Variants in RPS6KA5 observed in about 807,000 individuals in gnomAD.
RPS6KA5 encodes ribosomal protein S6 kinase alpha-5.
A neutral mutation model predicts 85.5 loss-of-function variants in RPS6KA5; 27 were observed. That is an observed-to-expected ratio of 0.32 (90% CI 0.23 to 0.44). RPS6KA5 has a LOEUF of 0.44. Ranked by LOEUF, RPS6KA5 falls within the 20% of genes least tolerant of loss-of-function variation. RPS6KA5 has a pLI of 1.00. For missense variants in RPS6KA5, 811 were observed against 980.9 expected (o/e 0.83, Z 2.31); for synonymous variants, 334 against 348.2 (o/e 0.96, Z 0.46).
chr14:90,850,322 A>G lies in RPS6KA5; in HGVS notation c.*21752T>C, dbSNP rs1195929038. The G allele has an allele frequency of 1.3e-5, 2 of 152,242 alleles. No individual in the cohort carries two copies. The highest frequency in any genetic ancestry group is 2.9e-5 in the Non-Finnish European group (2 of 68,042). 9.4% of individuals were successfully genotyped at this position (152,242 alleles called of 1,614,324 possible). A position where few individuals can be genotyped will look rare whatever the true frequency, so the allele number is the denominator to read the frequency against. ...AGAAGAACAGTCATGATTGTAGTCA[A>G]TTTTAAAAATAGACATCCTTTCCCT... On this transcript the variant is annotated 3_prime_UTR_variant, in exon 17 of 17. Transcript: ENST00000614987.
At chr14:90,888,716 G>A (rs865968610) in intron 14 of RPS6KA5, among the ~76,000 whole-genome samples, 3 of 152,056 alleles carry the variant, frequency 2.0e-5, no homozygotes, top group Admixed American at 6.6e-5. Flanking sequence ...ATAAACTTGC[G>A]GTGGGCATAG....
chr14:90,925,092 C>A (rs2036587355), intron 5 of RPS6KA5, among the ~76,000 whole-genome samples: 1 of 152,090 alleles, frequency 6.6e-6, no homozygotes, highest in Non-Finnish European at 1.5e-5. Context: ...TCGCCAAAGA[C>A]CGGGCTCACA....
chr14:90,963,349 G>C (rs1006535186), intron 3 of RPS6KA5, among the ~76,000 whole-genome samples: 1 of 152,158 alleles, frequency 6.6e-6, no homozygotes, highest in Non-Finnish European at 1.5e-5. Context: ...CACTAAAGTG[G>C]AGTTTGCCAC....
intron 1 of RPS6KA5, among the ~76,000 whole-genome samples, chr14:91,052,856 CT>C (rs754738544): frequency 4.4e-5 from 6 of 136,998 alleles, no homozygotes; most frequent in Non-Finnish European, 7.9e-5. Flanking sequence ...AAAAAAAAAG[CT>C]CTTTAGTTGG....
intron 7 of RPS6KA5, chr14:90,911,398 T>C (rs1384039363): frequency 6.6e-6 from 1 of 152,250 alleles, no homozygotes; most frequent in Admixed American, 6.5e-5. Context: ...TTCTCATGGG[T>C]TGTTTATTTA....
At chr14:91,054,793 A>T (rs992178053) in intron 1 of RPS6KA5, among the ~76,000 whole-genome samples, 6 of 150,370 alleles carry the variant, frequency 4.0e-5, no homozygotes, top group East Asian at 3.9e-4. Context: ...TCTATTATTT[A>T]AAAAAAAAAA....
chr14:90,998,119 T>G (rs565556023), intron 2 of RPS6KA5, among the ~76,000 whole-genome samples: 39 of 152,140 alleles, frequency 2.6e-4, no homozygotes, highest in Non-Finnish European at 5.1e-4. Flanking sequence ...GACTACACAT[T>G]TGTATGTTTA....
At chr14:90,873,476 A>C (rs1445935583) in intron 16 of RPS6KA5, among the ~76,000 whole-genome samples, 156 bp downstream of exon 16, 1 of 152,200 alleles carries the variant, frequency 6.6e-6, no homozygotes, top group African/African-American at 2.4e-5. Flanking sequence ...AGTGTTTATA[A>C]CCATGAAGCA....
intron 3 of RPS6KA5, among the ~76,000 whole-genome samples, chr14:90,955,905 T>A (rs1340225709): frequency 6.6e-6 from 1 of 152,222 alleles, no homozygotes; most frequent in African/African-American, 2.4e-5. Context: ...ACATCCACGT[T>A]AGGCTCTATA....
At chr14:90,899,968 C>A (rs1360776037) in intron 11 of RPS6KA5, 140 bp downstream of exon 11, 1 of 543,998 alleles carries the variant, frequency 1.8e-6, no homozygotes, top group Non-Finnish European at 2.9e-6. Flanking sequence ...GTATAATGGA[C>A]CAACTGATGA....
chr14:90,975,973 A>G (rs2039547119), intron 3 of RPS6KA5, among the ~76,000 whole-genome samples: 1 of 152,194 alleles, frequency 6.6e-6, no homozygotes, highest in Admixed American at 6.6e-5. Context: ...AGCATAAAAA[A>G]ATGGGTTTTC....
At chr14:90,874,197 T>A (rs1435264066) in intron 15 of RPS6KA5, among the ~76,000 whole-genome samples, 2 of 152,234 alleles carry the variant, frequency 1.3e-5, no homozygotes, top group African/African-American at 2.4e-5. Context: ...GAGATGGAGA[T>A]GCAGAGAGGA....
At chr14:90,979,324 C>A (rs1397206929) in intron 2 of RPS6KA5, among the ~76,000 whole-genome samples, 1 of 152,036 alleles carries the variant, frequency 6.6e-6, no homozygotes, top group African/African-American at 2.4e-5. Context: ...GAAGGGAAGA[C>A]AAAAAAACAA....
intron 15 of RPS6KA5, 32 bp downstream of exon 15, chr14:90,875,169 A>T (rs1406703362): frequency 2.5e-6 from 4 of 1,591,046 alleles, no homozygotes; most frequent in Non-Finnish European, 3.4e-6. Context: ...ACTACACATC[A>T]TATAAAATGT....
intron 1 of RPS6KA5, among the ~76,000 whole-genome samples, chr14:91,004,924 C>T (rs113749256): frequency 0.015 from 2,272 of 151,380 alleles, 52 homozygotes; most frequent in African/African-American, 0.052. Flanking sequence ...GCCAAGATCG[C>T]GCGCCACTGC....
chr14:90,950,867 T>C (rs1210668865), intron 3 of RPS6KA5, among the ~76,000 whole-genome samples: 1 of 152,174 alleles, frequency 6.6e-6, no homozygotes, highest in South Asian at 2.1e-4. Flanking sequence ...ATGCCTGTAA[T>C]CCCAGCACTT....
intron 2 of RPS6KA5, among the ~76,000 whole-genome samples, chr14:90,994,823 C>T (rs540087045): frequency 1.3e-5 from 2 of 151,982 alleles, no homozygotes; most frequent in African/African-American, 2.4e-5. Flanking sequence ...CCGCCTGCCT[C>T]GGCCTCCCAA....
At chr14:90,943,386 C>T (rs1566772660) in intron 4 of RPS6KA5, among the ~76,000 whole-genome samples, 1 of 151,940 alleles carries the variant, frequency 6.6e-6, no homozygotes. Flanking sequence ...CCAACCACGT[C>T]TTTGTTCTCC....
chr14:90,877,023 G>GT (rs1298404136), intron 14 of RPS6KA5, among the ~76,000 whole-genome samples: 6 of 152,168 alleles, frequency 3.9e-5, no homozygotes, highest in Non-Finnish European at 8.8e-5. Context: ...AGGAGATCCA[G>GT]TAAGGTAGGT....
Sources: allele counts gnomAD v4.1 joint callset (sites outside exome capture counted in the v4.1 genomes callset), GRCh38; gene constraint gnomAD v4.1.1; transcripts MANE v1.5; gene names NCBI Gene and HGNC (gene_info 2026-07-23, HGNC 2026-07-21).